Variants in PLXDC2 observed in about 807,000 individuals in gnomAD.
The protein encoded by PLXDC2 is plexin domain containing 2, also known as plexin domain-containing protein 2.
A neutral mutation model predicts 68.9 loss-of-function variants in PLXDC2; 40 were observed. That is an observed-to-expected ratio of 0.58 (90% CI 0.45 to 0.76). The LOEUF is 0.76. Among genes scored for constraint, PLXDC2 ranks in the 30% least tolerant of loss-of-function variants. The pLI is 0.00. For synonymous variants in PLXDC2, 243 were observed against 234.2 expected (o/e 1.04, Z -0.34); for missense variants, 644 against 661.9 (o/e 0.97, Z 0.30).
At chr10:20,087,257 C>G (rs1250632242) in intron 4 of PLXDC2, among the ~76,000 whole-genome samples, 1 of 152,162 alleles carries the variant, frequency 6.6e-6, no homozygotes, top group Non-Finnish European at 1.5e-5. Context: ...CAGATACCAC[C>G]CTCACCTCCA....
intron 2 of PLXDC2, among the ~76,000 whole-genome samples, 199 bp downstream of exon 2, chr10:20,002,185 G>A (rs1322016381): frequency 6.6e-6 from 1 of 151,630 alleles, no homozygotes; most frequent in East Asian, 1.9e-4. Flanking sequence ...ACAAACACAG[G>A]CTTGGTGTGG....
intron 1 of PLXDC2, among the ~76,000 whole-genome samples, chr10:19,832,791 GC>G (rs1564603056): frequency 6.6e-6 from 1 of 152,174 alleles, no homozygotes. Context: ...GAAGAGTCCC[GC>G]GGAGGTGTGT....
chr10:20,003,585 A>G (rs1834977940), intron 2 of PLXDC2, among the ~76,000 whole-genome samples: 1 of 152,052 alleles, frequency 6.6e-6, no homozygotes, highest in Non-Finnish European at 1.5e-5. Flanking sequence ...GGTGTGCACC[A>G]CCACACCGGC....
intron 2 of PLXDC2, among the ~76,000 whole-genome samples, chr10:20,029,954 G>A (rs1835471529): frequency 6.6e-6 from 1 of 152,124 alleles, no homozygotes; most frequent in South Asian, 2.1e-4. Context: ...GATCCTAGAA[G>A]AATTTATCAT....
intron 1 of PLXDC2, among the ~76,000 whole-genome samples, chr10:19,909,063 C>T (rs1264631849): frequency 6.6e-6 from 1 of 152,148 alleles, no homozygotes; most frequent in African/African-American, 2.4e-5. Context: ...AAAATGTCAG[C>T]ATTCTGGTGT....
chr10:20,201,929 A>G (rs939569888), intron 9 of PLXDC2, among the ~76,000 whole-genome samples: 4 of 152,160 alleles, frequency 2.6e-5, no homozygotes, highest in South Asian at 2.1e-4. Flanking sequence ...AACTAAAACC[A>G]TCTTAGCACT....
At chr10:20,011,231 G>T in intron 2 of PLXDC2, among the ~76,000 whole-genome samples, 1 of 152,134 alleles carries the variant, frequency 6.6e-6, no homozygotes, top group East Asian at 1.9e-4. Context: ...TGGAACTCAG[G>T]AGCAGGGAGG....
intron 6 of PLXDC2, among the ~76,000 whole-genome samples, chr10:20,151,949 G>T (rs1004730172): frequency 6.6e-6 from 1 of 152,012 alleles, no homozygotes; most frequent in Non-Finnish European, 1.5e-5. Context: ...CCAATTTGGG[G>T]CTTGTTTTAA....
At chr10:19,986,939 T>A (rs565120628) in intron 1 of PLXDC2, among the ~76,000 whole-genome samples, 4 of 152,238 alleles carry the variant, frequency 2.6e-5, no homozygotes, top group Non-Finnish European at 4.4e-5. Context: ...ACACTGGAAG[T>A]GCTCAAGGCT....
intron 1 of PLXDC2, among the ~76,000 whole-genome samples, chr10:19,876,886 G>T: frequency 6.6e-6 from 1 of 152,006 alleles, no homozygotes; most frequent in Non-Finnish European, 1.5e-5. Flanking sequence ...TTTCATAGGT[G>T]TTATTACAAA....
At position 20,286,524 on chromosome 10, in the gene PLXDC2, T is replaced by A. The variant is rs1836154557; in HGVS notation, c.*6705T>A. On this transcript the variant is annotated 3_prime_UTR_variant, in exon 14 of 14. Transcript: ENST00000377252. ...TTGCAAATATATATGTATATATACA[T>A]TCATGACCAAAGTATCGCTTACTGA... 6.6e-6 allele frequency: 1 copy of A among 152,172 alleles called. No homozygotes were observed. Among genetic ancestry groups the A allele is most frequent in the Middle Eastern group, 3.2e-3 (1 of 316 alleles). 9.4% of individuals were successfully genotyped at this position (152,172 alleles called of 1,614,324 possible).
chr10:20,063,772 G>T (rs936881635), intron 3 of PLXDC2, among the ~76,000 whole-genome samples: 6 of 152,124 alleles, frequency 3.9e-5, no homozygotes, highest in African/African-American at 1.4e-4. Flanking sequence ...GGGAAAGCAT[G>T]ATGTGGCCTT....
intron 1 of PLXDC2, among the ~76,000 whole-genome samples, chr10:19,979,075 T>A (rs1379691579): frequency 6.6e-6 from 1 of 152,230 alleles, no homozygotes; most frequent in Non-Finnish European, 1.5e-5. Context: ...TCAGTCCATG[T>A]TGACACAGTA....
At chr10:19,844,234 C>T (rs75935460) in intron 1 of PLXDC2, among the ~76,000 whole-genome samples, 6,029 of 152,154 alleles carry the variant, frequency 0.04, 129 homozygotes, top group African/African-American at 0.051. Context: ...AAAAATTAGT[C>T]GGATTTTTAG....
chr10:20,119,282 C>T (rs1002619855), intron 4 of PLXDC2, among the ~76,000 whole-genome samples: 3 of 151,676 alleles, frequency 2.0e-5, no homozygotes, highest in Admixed American at 1.3e-4. Flanking sequence ...TGGGTGCAGG[C>T]GGGCTGAGTC....
intron 4 of PLXDC2, among the ~76,000 whole-genome samples, chr10:20,102,381 A>G (rs1428270217): frequency 6.6e-6 from 1 of 152,176 alleles, no homozygotes; most frequent in African/African-American, 2.4e-5. Flanking sequence ...ACACTCTTTC[A>G]TGTTTCTCTT....
At chr10:20,084,142 AC>A (rs1833157532) in intron 4 of PLXDC2, among the ~76,000 whole-genome samples, 1 of 152,196 alleles carries the variant, frequency 6.6e-6, no homozygotes, top group South Asian at 2.1e-4. Flanking sequence ...TCAAGAGTAG[AC>A]CAATGCGGAA....
At chr10:19,826,399 C>T (rs1836570134) in intron 1 of PLXDC2, among the ~76,000 whole-genome samples, 1 of 151,986 alleles carries the variant, frequency 6.6e-6, no homozygotes, top group African/African-American at 2.4e-5. Flanking sequence ...AGAGACATAC[C>T]ACTGTGTCTT....
intron 1 of PLXDC2, among the ~76,000 whole-genome samples, chr10:19,913,158 A>G (rs770820568): frequency 1.1e-4 from 17 of 152,116 alleles, no homozygotes; most frequent in Non-Finnish European, 1.9e-4. Context: ...CCCAAATCTC[A>G]AGTCGATTTG....
Sources: gnomAD v4.1 joint callset for allele counts (sites outside exome capture counted in the v4.1 genomes callset) on GRCh38, gnomAD v4.1.1 for gene constraint, MANE v1.5 for transcripts, NCBI Gene and HGNC (gene_info 2026-07-23, HGNC 2026-07-21) for gene names.